RAD51B: variants seen among roughly 807,000 people sequenced by gnomAD.
RAD51B encodes RAD51 paralog B, also known as DNA repair protein RAD51 homolog 2.
A neutral mutation model predicts 42.2 loss-of-function variants in RAD51B; 38 were observed. The observed-to-expected ratio is 0.90, with a 90% CI of 0.70 to 1.18. The LOEUF (loss-of-function observed/expected upper bound fraction) is 1.18, where lower values mean the gene tolerates loss of function less well. Ranked by LOEUF, RAD51B falls within the 50% of genes most tolerant of loss-of-function variation. The probability of loss-of-function intolerance (pLI) is 0.00; values close to 1 mark genes in which losing one functional copy is unlikely to be tolerated. For missense variants in RAD51B, 373 were observed against 400.7 expected (o/e 0.93, Z 0.59); for synonymous variants, 154 against 145.2 (o/e 1.06, Z -0.43).
chr14:67,875,721 C>T (rs370220785), intron 5 of RAD51B, among the ~76,000 whole-genome samples: 9 of 152,256 alleles, frequency 5.9e-5, no homozygotes, highest in African/African-American at 2.2e-4. Context: ...TTTCTCAGTA[C>T]ATATCCCCAT....
intron 10 of RAD51B, among the ~76,000 whole-genome samples, chr14:68,471,099 G>A (rs1370785305): frequency 6.6e-6 from 1 of 152,172 alleles, no homozygotes; most frequent in Non-Finnish European, 1.5e-5. Context: ...ACTGGCAGGT[G>A]AGCCCCGAGT....
chr14:68,545,612 C>A, intron 10 of RAD51B: 1 of 456,068 alleles, frequency 2.2e-6, no homozygotes, highest in Non-Finnish European at 4.4e-6. Flanking sequence ...AAAGAAGTTC[C>A]ACCAGAGTAG....
At chr14:68,134,268 G>T (rs961173089) in intron 7 of RAD51B, among the ~76,000 whole-genome samples, 2 of 152,082 alleles carry the variant, frequency 1.3e-5, no homozygotes, top group Non-Finnish European at 2.9e-5. Context: ...GTGGTTATGT[G>T]TATATAGAAT....
At chr14:67,872,730 C>T (rs1181472610) in intron 5 of RAD51B, among the ~76,000 whole-genome samples, 2 of 150,946 alleles carry the variant, frequency 1.3e-5, no homozygotes, top group South Asian at 2.1e-4. Context: ...GGTACTGGTA[C>T]CAAAACAGAG....
chr14:67,939,637 T>C (rs963236619), intron 7 of RAD51B, among the ~76,000 whole-genome samples: 1 of 152,100 alleles, frequency 6.6e-6, no homozygotes, highest in Non-Finnish European at 1.5e-5. Context: ...ATTAGGTAGC[T>C]CAAATAACAA....
In RAD51B at chr14:68,074,579, C is replaced by T. The variant is rs34125959; in HGVS notation, c.756+187375C>T. ...ACCATTGCTGGGGAGATGTTGTAGT[C>T]ATTTGGAGGTAAGGGAGACACTCTG... On this transcript the variant is annotated intron_variant, in intron 7 of 10. Coordinates refer to ENST00000471583, the MANE Select transcript of RAD51B (RefSeq NM_133510.4). Among the ~76,000 whole-genome samples the T allele has an allele frequency of 9.1e-4, 138 of 152,252 alleles. 2 individuals carry two copies. The East Asian group carries it at 0.025, about 27-fold the overall frequency.
At chr14:68,397,398 G>GCTCC (rs2083955491) in intron 8 of RAD51B, among the ~76,000 whole-genome samples, 1 of 152,178 alleles carries the variant, frequency 6.6e-6, no homozygotes, top group African/African-American at 2.4e-5. Context: ...TTGTTCATGA[G>GCTCC]CTCCCTCTCC....
intron 8 of RAD51B, among the ~76,000 whole-genome samples, chr14:68,401,100 C>T (rs1028991074): frequency 6.6e-6 from 1 of 152,218 alleles, no homozygotes; most frequent in Non-Finnish European, 1.5e-5. Context: ...ATGATCGACA[C>T]TGCAGACACA....
At chr14:68,090,627 G>A (rs2077076171) in intron 7 of RAD51B, among the ~76,000 whole-genome samples, 1 of 151,474 alleles carries the variant, frequency 6.6e-6, no homozygotes, top group Admixed American at 6.6e-5. Flanking sequence ...GAAAGTATAT[G>A]GTAGACTCTT....
At chr14:68,245,185 GGGGT>G (rs1408409525) in intron 7 of RAD51B, among the ~76,000 whole-genome samples, 1 of 152,176 alleles carries the variant, frequency 6.6e-6, no homozygotes, top group Admixed American at 6.5e-5. Flanking sequence ...CTAACAAATT[GGGGT>G]GGGTATAAAT....
At chr14:68,476,492 A>T (rs1042922300) in intron 10 of RAD51B, among the ~76,000 whole-genome samples, 1 of 152,222 alleles carries the variant, frequency 6.6e-6, no homozygotes, top group African/African-American at 2.4e-5. Context: ...TGAAGTGTAA[A>T]TCATTTCGCC....
chr14:68,076,778 T>G (rs1036967076), intron 7 of RAD51B, among the ~76,000 whole-genome samples: 2 of 152,230 alleles, frequency 1.3e-5, no homozygotes, highest in Non-Finnish European at 2.9e-5. Flanking sequence ...GCTTAAAGCT[T>G]TAGTTCATTT....
intron 7 of RAD51B, among the ~76,000 whole-genome samples, chr14:68,056,563 A>G (rs1017004815): frequency 2.0e-5 from 3 of 151,866 alleles, no homozygotes; most frequent in African/African-American, 7.2e-5. Context: ...AACCTGGGCA[A>G]CACGGTGAAA....
intron 5 of RAD51B, among the ~76,000 whole-genome samples, chr14:67,867,786 A>G (rs1482304517): frequency 6.6e-6 from 1 of 152,228 alleles, no homozygotes; most frequent in Non-Finnish European, 1.5e-5. Flanking sequence ...GAGGTAAGGC[A>G]GGGAAATATG....
chr14:68,484,704 A>G (rs117126154), intron 10 of RAD51B, among the ~76,000 whole-genome samples: 2,722 of 152,190 alleles, frequency 0.018, 46 homozygotes, highest in Non-Finnish European at 0.03. Context: ...TATCTCCGGT[A>G]AAAGGGGACA....
At chr14:68,584,073 C>A (rs114330938) in intron 10 of RAD51B, among the ~76,000 whole-genome samples, 1,681 of 152,242 alleles carry the variant, frequency 0.011, 33 homozygotes, top group African/African-American at 0.037. Context: ...GGCGCCCCCC[C>A]ACCCCCCATG....
At chr14:68,171,966 C>G (rs138166010) in intron 7 of RAD51B, among the ~76,000 whole-genome samples, 2,386 of 152,308 alleles carry the variant, frequency 0.016, 70 homozygotes, top group African/African-American at 0.052. Context: ...CTCAGCCTCC[C>G]AAAGTGCTGG....
At chr14:68,123,136 A>T (rs985847632) in intron 7 of RAD51B, among the ~76,000 whole-genome samples, 2 of 152,174 alleles carry the variant, frequency 1.3e-5, no homozygotes, top group Non-Finnish European at 2.9e-5. Context: ...CATAAAAATA[A>T]AATTAACCAT....
intron 7 of RAD51B, among the ~76,000 whole-genome samples, chr14:68,276,969 A>T (rs2081237853): frequency 6.6e-6 from 1 of 152,240 alleles, no homozygotes; most frequent in Non-Finnish European, 1.5e-5. Context: ...GCACTTGAAA[A>T]GATGAGTGTA....
Sources: gnomAD v4.1 joint callset for allele counts (sites outside exome capture counted in the v4.1 genomes callset) on GRCh38, gnomAD v4.1.1 for gene constraint, MANE v1.5 for transcripts, NCBI Gene and HGNC (gene_info 2026-07-23, HGNC 2026-07-21) for gene names.